TENM2: variants seen among roughly 807,000 people sequenced by gnomAD.
TENM2 encodes teneurin-2.
TENM2 carries 52 observed loss-of-function variants against 245.2 expected under a neutral mutation model. The ratio of observed to expected loss-of-function variants is 0.21; its 90% CI spans 0.17 to 0.27. TENM2 has a LOEUF of 0.27. Ranked by LOEUF, TENM2 falls within the 10% of genes least tolerant of loss-of-function variation. The pLI, the probability that TENM2 is intolerant of heterozygous loss-of-function variation, is 1.00. For missense variants in TENM2, 3,046 were observed against 3,666.8 expected (o/e 0.83, Z 4.37); for synonymous variants, 1,363 against 1,438.9 (o/e 0.95, Z 1.19).
At chr5:168,094,104 G>A (rs1219417162) in intron 8 of TENM2, among the ~76,000 whole-genome samples, 4 of 147,808 alleles carry the variant, frequency 2.7e-5, no homozygotes, top group Admixed American at 1.4e-4. Context: ...AGAATACCTC[G>A]ATGAACAGTT....
Position 167,918,210 on chromosome 5 carries a change from G to A in TENM2, c.713-34378G>A, listed in dbSNP as rs560909489. Among the ~76,000 whole-genome samples the A allele has an allele frequency of 5.3e-5, 8 of 152,264 alleles. No homozygotes were observed. In the South Asian group the frequency reaches 1.5e-3, roughly 28 times the overall value. ...ATTTCTCTTTTTATGAAAGCTTAGC[G>A]GTTGTGTTGAGTGAATACAAACAGT... On this transcript the variant is annotated intron_variant, in intron 3 of 28. Coordinates refer to ENST00000518659, the Ensembl canonical transcript of TENM2.
At chr5:167,143,256 A>G in the TENM2 span, among the ~76,000 whole-genome samples, 1 of 152,240 alleles carries the variant, frequency 6.6e-6, no homozygotes. Context: ...GACAATAGCT[A>G]TAAAATGGTT....
At chr5:167,330,429 A>G (rs1450712876) in intron 1 of TENM2, among the ~76,000 whole-genome samples, 1 of 152,156 alleles carries the variant, frequency 6.6e-6, no homozygotes, top group Admixed American at 6.5e-5. Context: ...TTTAAAAGCT[A>G]TATGCTTGCT....
chr5:167,251,210 G>C, the TENM2 span, among the ~76,000 whole-genome samples: 6 of 152,114 alleles, frequency 3.9e-5, no homozygotes, highest in Non-Finnish European at 7.4e-5. Context: ...TGCTCACAAA[G>C]CGCTGGAAGA....
chr5:167,931,825 G>T (rs11955570), intron 3 of TENM2, among the ~76,000 whole-genome samples: 1,716 of 152,172 alleles, frequency 0.011, 31 homozygotes, highest in African/African-American at 0.039. Context: ...TTCCCTTATC[G>T]CAGATTAATA....
chr5:167,496,219 C>A (rs1228206426), intron 2 of TENM2, among the ~76,000 whole-genome samples: 3 of 152,038 alleles, frequency 2.0e-5, no homozygotes, highest in African/African-American at 7.2e-5. Flanking sequence ...TTTCCTTCCT[C>A]ATTTAGTTCC....
At chr5:167,870,589 GTA>G (rs1249087421) in intron 2 of TENM2, among the ~76,000 whole-genome samples, 3 of 140,210 alleles carry the variant, frequency 2.1e-5, no homozygotes, top group Admixed American at 7.2e-5. Flanking sequence ...ATATATATAT[GTA>G]TATATATGTG....
At chr5:168,245,448 G>A (rs953987413) in intron 26 of TENM2, among the ~76,000 whole-genome samples, 1 of 151,738 alleles carries the variant, frequency 6.6e-6, no homozygotes, top group Non-Finnish European at 1.5e-5. Context: ...AGCACACAGA[G>A]CAACCCTCTC....
chr5:167,171,230 A>G, the TENM2 span, among the ~76,000 whole-genome samples: 6 of 152,084 alleles, frequency 3.9e-5, no homozygotes, highest in Non-Finnish European at 1.5e-5. Context: ...ATGAAATTCT[A>G]CCTTTACACT....
At chr5:167,028,193 T>C in the TENM2 span, among the ~76,000 whole-genome samples, 5 of 152,134 alleles carry the variant, frequency 3.3e-5, no homozygotes, top group Middle Eastern at 3.2e-3. Flanking sequence ...GGCAATATAA[T>C]TTTTTATGGT....
At chr5:168,216,831 A>T (rs1020945656) in exon 22 of TENM2, 1 of 1,613,960 alleles carries the variant, frequency 6.2e-7, no homozygotes, top group African/African-American at 1.3e-5. Flanking sequence ...CGGAAGGTTG[A>T]CCAGAATGGA....
At chr5:167,332,730 A>G (rs898929523) in intron 1 of TENM2, among the ~76,000 whole-genome samples, 1 of 152,214 alleles carries the variant, frequency 6.6e-6, no homozygotes, top group African/African-American at 2.4e-5. Context: ...AATTAGCGCA[A>G]CAATGAAAAT....
At chr5:168,017,215 G>C (rs963585648) in intron 5 of TENM2, among the ~76,000 whole-genome samples, 1 of 152,146 alleles carries the variant, frequency 6.6e-6, no homozygotes, top group African/African-American at 2.4e-5. Context: ...AAAGCATGTG[G>C]GCTTCAGATC....
chr5:167,489,032 G>A (rs908893627), intron 2 of TENM2, among the ~76,000 whole-genome samples: 8 of 152,032 alleles, frequency 5.3e-5, no homozygotes, highest in South Asian at 4.2e-4. Flanking sequence ...CCGCTGCCAC[G>A]TCCACTGCTC....
In TENM2 at chr5:167,974,030, A is replaced by G. The variant is rs1157472723; in HGVS notation, c.948-18914A>G. On this transcript the variant is annotated intron_variant, in intron 4 of 28. Coordinates refer to ENST00000518659, the Ensembl canonical transcript of TENM2. ...GAGGGAGGGAGGGAGGGAGGAAGGA[A>G]GGAAGGAGAAGGAAGGAAGGGAGGA... is the stretch of plus-strand genomic sequence containing the variant. 5.5e-4 allele frequency among the ~76,000 whole-genome samples: 37 copies of G among 67,170 alleles called. 2 individuals carry two copies. Among genetic ancestry groups the G allele is most frequent in the African/African-American group, 3.6e-3 (34 of 9,540 alleles). The allele number at this position is 67,170 out of a possible 152,430, so 44.1% of individuals were successfully genotyped here.
chr5:167,379,417 T>G (rs1176818958), intron 2 of TENM2, among the ~76,000 whole-genome samples: 3 of 152,138 alleles, frequency 2.0e-5, no homozygotes, highest in African/African-American at 4.8e-5. Context: ...GTCCTTAGAT[T>G]GTTACTGCCA....
At chr5:167,919,973 G>A (rs1261688286) in intron 3 of TENM2, among the ~76,000 whole-genome samples, 1 of 152,190 alleles carries the variant, frequency 6.6e-6, no homozygotes, top group Non-Finnish European at 1.5e-5. Flanking sequence ...TGTGGTAGAA[G>A]TAAGAGGACT....
the TENM2 span, among the ~76,000 whole-genome samples, chr5:167,070,443 T>C: frequency 6.6e-6 from 1 of 151,952 alleles, no homozygotes; most frequent in Non-Finnish European, 1.5e-5. Flanking sequence ...TTGAGAAATA[T>C]TGATGATGCA....
chr5:167,472,976 A>T (rs546477786), intron 2 of TENM2, among the ~76,000 whole-genome samples: 7 of 152,308 alleles, frequency 4.6e-5, no homozygotes, highest in African/African-American at 1.7e-4. Flanking sequence ...ACTGGACAAT[A>T]AACAAATTGG....
Sources: gnomAD v4.1 joint callset for allele counts (sites outside exome capture counted in the v4.1 genomes callset) on GRCh38, gnomAD v4.1.1 for gene constraint, MANE v1.5 for transcripts, NCBI Gene and HGNC (gene_info 2026-07-23, HGNC 2026-07-21) for gene names.